Variants in CAMK1D observed in about 807,000 individuals in gnomAD.
CAMK1D encodes the protein calcium/calmodulin dependent protein kinase ID, also known as calcium/calmodulin-dependent protein kinase type 1D.
In CAMK1D, 9 loss-of-function variants were observed where a neutral mutation model predicts 47.7. The ratio of observed to expected loss-of-function variants is 0.19; its 90% CI spans 0.11 to 0.33. The LOEUF is 0.33. Among genes scored for constraint, CAMK1D ranks in the 10% least tolerant of loss-of-function variants. The pLI is 1.00. For missense variants in CAMK1D, 291 were observed against 488.7 expected (o/e 0.60, Z 3.81); for synonymous variants, 184 against 184.9 (o/e 0.99, Z 0.04).
chr10:12,675,876 C>G (rs951596538), intron 3 of CAMK1D, among the ~76,000 whole-genome samples: 2 of 152,190 alleles, frequency 1.3e-5, no homozygotes, highest in Non-Finnish European at 1.5e-5. Context: ...CATACCAGGC[C>G]AGTACTGCCA....
intron 2 of CAMK1D, among the ~76,000 whole-genome samples, chr10:12,645,565 A>G (rs906892225): frequency 6.6e-6 from 1 of 152,154 alleles, no homozygotes; most frequent in Admixed American, 6.5e-5. Flanking sequence ...CCGTGACATA[A>G]TCACTTCCTT....
intron 3 of CAMK1D, among the ~76,000 whole-genome samples, chr10:12,710,290 T>TAAGTAG (rs1833887854): frequency 1.3e-5 from 2 of 152,340 alleles, no homozygotes; most frequent in South Asian, 4.1e-4. Flanking sequence ...TTGATTTACG[T>TAAGTAG]TGTAAGTAAC....
chr10:12,799,642 C>G (rs1838345128), intron 6 of CAMK1D, among the ~76,000 whole-genome samples: 1 of 152,204 alleles, frequency 6.6e-6, no homozygotes, highest in South Asian at 2.1e-4. Flanking sequence ...ACTAACTCCT[C>G]TGCTTTGTCC....
intron 1 of CAMK1D, among the ~76,000 whole-genome samples, chr10:12,495,227 A>T (rs1468405304): frequency 6.6e-6 from 1 of 152,220 alleles, no homozygotes; most frequent in Non-Finnish European, 1.5e-5. Flanking sequence ...TAAAGCCCGT[A>T]CCATTTGTGC....
At chr10:12,732,670 G>GCCCC (rs367919756) in intron 3 of CAMK1D, among the ~76,000 whole-genome samples, 914 of 71,710 alleles carry the variant, frequency 0.013, 18 homozygotes, top group African/African-American at 0.039. Flanking sequence ...AATTACCCCC[G>GCCCC]CCCCCCCCGC....
chr10:12,616,617 AC>A (rs1838830167), intron 2 of CAMK1D, among the ~76,000 whole-genome samples: 1 of 151,722 alleles, frequency 6.6e-6, no homozygotes, highest in African/African-American at 2.4e-5. Context: ...TCCCGGGTTC[AC>A]GCCATTCTCC....
chr10:12,665,679 G>A (rs534576797), intron 2 of CAMK1D, among the ~76,000 whole-genome samples: 8 of 152,276 alleles, frequency 5.3e-5, no homozygotes, highest in South Asian at 4.1e-4. Context: ...ATAATGTCAA[G>A]CCTTACATTC....
chr10:12,615,669 GTATT>G (rs766412197), intron 2 of CAMK1D, among the ~76,000 whole-genome samples: 2 of 147,072 alleles, frequency 1.4e-5, no homozygotes, highest in East Asian at 3.9e-4. Flanking sequence ...ATTTGAAAGT[GTATT>G]TGTGTATAGG....
At chr10:12,422,340 C>CT (rs1840083254) in intron 1 of CAMK1D, among the ~76,000 whole-genome samples, 1 of 152,188 alleles carries the variant, frequency 6.6e-6, no homozygotes. Flanking sequence ...GGAGTCTTGC[C>CT]TTTCTCCGGT....
chr10:12,361,649 G>A (rs920913841), intron 1 of CAMK1D, among the ~76,000 whole-genome samples: 14 of 149,310 alleles, frequency 9.4e-5, no homozygotes, highest in African/African-American at 3.5e-4. Flanking sequence ...TCTGCCTCCT[G>A]GGTTCAAGTG....
intron 2 of CAMK1D, among the ~76,000 whole-genome samples, chr10:12,634,714 T>C (rs1271266161): frequency 6.6e-6 from 1 of 152,152 alleles, no homozygotes; most frequent in Non-Finnish European, 1.5e-5. Context: ...TGCTGGTGTT[T>C]CACAACCTTG....
intron 10 of CAMK1D, 83 bp from the exon 11 acceptor site, chr10:12,828,685 CA>C: frequency 9.1e-7 from 1 of 1,094,176 alleles, no homozygotes; most frequent in Non-Finnish European, 1.4e-6. Flanking sequence ...ACCATAAACC[CA>C]GCCCCTCTGA....
chr10:12,370,903 C>T (rs374579708), intron 1 of CAMK1D, among the ~76,000 whole-genome samples: 93 of 152,016 alleles, frequency 6.1e-4, no homozygotes, highest in African/African-American at 2.2e-3. Context: ...CCACTGCACC[C>T]GGCCTTGTGT....
chr10:12,783,908 A>T (rs1347437624), intron 5 of CAMK1D, among the ~76,000 whole-genome samples: 1 of 152,186 alleles, frequency 6.6e-6, no homozygotes, highest in Non-Finnish European at 1.5e-5. Flanking sequence ...TATAAAAAGC[A>T]TGAGTTAATC....
intron 2 of CAMK1D, among the ~76,000 whole-genome samples, chr10:12,643,857 C>G (rs1211021466): frequency 6.6e-6 from 1 of 150,830 alleles, no homozygotes; most frequent in Non-Finnish European, 1.5e-5. Context: ...ACACTCCAGC[C>G]CGGGCGACAG....
intron 1 of CAMK1D, among the ~76,000 whole-genome samples, 187 bp downstream of exon 1, chr10:12,350,097 G>A (rs1837305397): frequency 6.6e-6 from 1 of 152,092 alleles, no homozygotes; most frequent in African/African-American, 2.4e-5. Context: ...ACCCCCGGGT[G>A]GGCGCCGTTC....
rs10554443 is a variant in CAMK1D at position 12,683,741 on chromosome 10, GGTGTGTGTGTGTGTGT to G, written c.299+16958_299+16973del. ...TGAAGTAAATGAATTTAGGAATCCA[GGTGTGTGTGTGTGTGT>G]GTGTGTGTGTGTGTGTGTGTGTGTG... On this transcript the variant is annotated intron_variant, in intron 3 of 10. Coordinates refer to ENST00000619168, the MANE Select transcript of CAMK1D (RefSeq NM_153498.4). Among the ~76,000 whole-genome samples, 82 of 144,978 alleles carry G rather than the reference GGTGTGTGTGTGTGTGT, an allele frequency of 5.7e-4. 1 individual carries two copies. The highest frequency in any genetic ancestry group is 8.0e-4 in the Non-Finnish European group (53 of 66,062).
chr10:12,622,877 G>T (rs1015100875), intron 2 of CAMK1D, among the ~76,000 whole-genome samples: 1 of 152,012 alleles, frequency 6.6e-6, no homozygotes, highest in Non-Finnish European at 1.5e-5. Context: ...AAGAACAGGA[G>T]AGAACTCGGC....
At chr10:12,375,945 T>C (rs1838164108) in intron 1 of CAMK1D, among the ~76,000 whole-genome samples, 1 of 151,898 alleles carries the variant, frequency 6.6e-6, no homozygotes, top group African/African-American at 2.4e-5. Context: ...GGCAGATCAC[T>C]TGAGGCCAGG....
Sources: gnomAD v4.1 joint callset for allele counts (sites outside exome capture counted in the v4.1 genomes callset) on GRCh38, gnomAD v4.1.1 for gene constraint, MANE v1.5 for transcripts, NCBI Gene and HGNC (gene_info 2026-07-23, HGNC 2026-07-21) for gene names.